Variants in RELB observed in about 807,000 individuals in gnomAD.
RELB encodes RELB proto-oncogene, NF-kB subunit, also known as transcription factor RelB.
Under a neutral mutation model 55.4 loss-of-function variants are expected in RELB, and 14 were observed. The observed-to-expected ratio is 0.25, with a 90% CI of 0.17 to 0.40. The LOEUF is 0.40. Among genes scored for constraint, RELB ranks in the 10% least tolerant of loss-of-function variants. RELB has a pLI of 1.00. For synonymous variants in RELB, 409 were observed against 371.3 expected (o/e 1.10, Z -1.17); for missense variants, 669 against 830.7 (o/e 0.81, Z 2.39).
chr19:45,006,777 G>T, intron 2 of RELB, among the ~76,000 whole-genome samples: 1 of 151,382 alleles, frequency 6.6e-6, no homozygotes, highest in East Asian at 2.0e-4. Context: ...CCTGACCAAC[G>T]TGGCAAAACC....
At chr19:45,029,310 C>T (rs181787134) in intron 8 of RELB, among the ~76,000 whole-genome samples, 82 of 152,208 alleles carry the variant, frequency 5.4e-4, no homozygotes, top group African/African-American at 1.9e-3. Flanking sequence ...CATAAATGAA[C>T]GCTTTACGGT....
At chr19:45,037,283 GA>G (rs560232256) in intron 11 of RELB, 121 bp from the exon 12 acceptor site, 136,999 of 814,790 alleles carry the variant, frequency 0.17, 4 homozygotes, top group South Asian at 0.19. Flanking sequence ...CTCCATCTCA[GA>G]AAAAAAAAAA....
At chr19:45,004,085 A>G (rs1971252831) in intron 2 of RELB, among the ~76,000 whole-genome samples, 1 of 148,398 alleles carries the variant, frequency 6.7e-6, no homozygotes, top group Non-Finnish European at 1.5e-5. Flanking sequence ...ACCACAACCC[A>G]CTTTGTGTCT....
At chr19:45,030,944 G>T (rs950424767) in intron 8 of RELB, among the ~76,000 whole-genome samples, 1 of 152,184 alleles carries the variant, frequency 6.6e-6, no homozygotes, top group African/African-American at 2.4e-5. Context: ...CCTTGGACAA[G>T]TGACTTCACC....
At chr19:45,002,806 C>A (rs1482351626) in intron 1 of RELB, 143 bp from the exon 2 acceptor site, 2 of 638,476 alleles carry the variant, frequency 3.1e-6, no homozygotes, top group Non-Finnish European at 5.5e-6. Context: ...GTAAGCCTGG[C>A]CAGACGCAGG....
chr19:45,018,452 C>T (rs191366273), intron 4 of RELB, among the ~76,000 whole-genome samples: 1 of 139,286 alleles, frequency 7.2e-6, no homozygotes, highest in African/African-American at 2.8e-5. Context: ...GGCATGGTGG[C>T]AGGCACCTGT....
At chr19:45,004,794 G>A (rs1322982687) in intron 2 of RELB, among the ~76,000 whole-genome samples, 4 of 151,780 alleles carry the variant, frequency 2.6e-5, no homozygotes, top group African/African-American at 9.7e-5. Context: ...TTGAACCTGG[G>A]AGGTGGAGGT....
At chr19:45,025,540 G>A (rs937223469) in intron 6 of RELB, 66 bp from the exon 7 acceptor site, 20 of 1,597,512 alleles carry the variant, frequency 1.3e-5, no homozygotes, top group African/African-American at 1.1e-4. Context: ...TCCCTTCCCC[G>A]TTCCCCTGTA....
intron 4 of RELB, among the ~76,000 whole-genome samples, chr19:45,015,524 C>T (rs1266860494): frequency 6.6e-6 from 1 of 151,732 alleles, no homozygotes; most frequent in Non-Finnish European, 1.5e-5. Context: ...CACTTGAGGC[C>T]AGGAGTTCAA....
intron 11 of RELB, 76 bp downstream of exon 11, chr19:45,034,604 C>T: frequency 7.8e-7 from 1 of 1,284,934 alleles, no homozygotes. Context: ...TTTCTGGCCT[C>T]TTCACGCCCT....
chr19:45,012,482 G>A (rs370669321), intron 4 of RELB, among the ~76,000 whole-genome samples: 1 of 152,162 alleles, frequency 6.6e-6, no homozygotes, highest in East Asian at 1.9e-4. Flanking sequence ...GGTGACTCGC[G>A]CCTGTAATCC....
chr19:45,015,386 A>G (rs2122425617), intron 4 of RELB, among the ~76,000 whole-genome samples: 1 of 152,276 alleles, frequency 6.6e-6, no homozygotes. Flanking sequence ...CGAGAGGTTT[A>G]TCTTGTAGAT....
At chr19:45,018,073 C>T (rs2122436631) in intron 4 of RELB, among the ~76,000 whole-genome samples, 1 of 151,586 alleles carries the variant, frequency 6.6e-6, no homozygotes. Context: ...TCGAGACCAG[C>T]CTGGCCAACA....
At chr19:45,020,621 G>C (rs372867059) in intron 4 of RELB, among the ~76,000 whole-genome samples, 1 of 144,138 alleles carries the variant, frequency 6.9e-6, no homozygotes, top group African/African-American at 2.6e-5. Flanking sequence ...GCAGTGGCGC[G>C]ATCTTGGCTC....
chr19:45,034,402 G>A, intron 10 of RELB, 49 bp from the exon 11 acceptor site: 2 of 1,610,616 alleles, frequency 1.2e-6, no homozygotes, highest in African/African-American at 2.7e-5. Flanking sequence ...CCAGGCTGGG[G>A]AGGAAGGGCT....
chr19:45,033,183 C>T (rs1027873717), intron 9 of RELB, among the ~76,000 whole-genome samples: 5 of 152,084 alleles, frequency 3.3e-5, no homozygotes, highest in African/African-American at 1.2e-4. Context: ...CTCACATTGC[C>T]CAGAGGGGGT....
chr19:45,037,481 G>C lies in RELB; in HGVS notation c.1431G>C (p.Glu477Asp). 6.2e-7 allele frequency: 1 copy of C among 1,611,424 alleles called. No homozygotes were observed. The highest frequency in any genetic ancestry group is 8.5e-7 in the Non-Finnish European group (1 of 1,179,514). Residue 477 changes from glutamate (E) to aspartate (D), a missense_variant, in exon 12 of 12, where the codon GAG (glutamate) becomes GAC (aspartate). Glu to Asp is a conservative substitution (Grantham distance 45, BLOSUM62 2). This residue lies in a region of RELB where 341 missense variants were observed against 436.8 expected (regional missense o/e 0.78). Transcript: ENST00000221452. ...GCACCGTGTCCCTGCCCGGCCTGGA[G>C]CCCCCTGGCGGGCCTGACCTCCTGG... is the stretch of plus-strand genomic sequence containing the variant. ...FSGTVSLPGL[E>D]PPGGPDLLDD...
At chr19:45,027,695 C>T (rs911880474) in intron 7 of RELB, among the ~76,000 whole-genome samples, 1 of 151,728 alleles carries the variant, frequency 6.6e-6, no homozygotes, top group African/African-American at 2.4e-5. Flanking sequence ...GAGGGGTGGT[C>T]CCTTGAGGGA....
intron 5 of RELB, among the ~76,000 whole-genome samples, chr19:45,024,664 C>T (rs1971536240): frequency 6.6e-6 from 1 of 152,034 alleles, no homozygotes; most frequent in Admixed American, 6.6e-5. Context: ...ATTCTCCTGC[C>T]TCAGCCTCCT....
Sources: allele counts gnomAD v4.1 joint callset (sites outside exome capture counted in the v4.1 genomes callset), GRCh38; gene constraint gnomAD v4.1.1; regional missense constraint gnomAD v4.1.1; transcripts MANE v1.5; gene names NCBI Gene and HGNC (gene_info 2026-07-23, HGNC 2026-07-21).